The following DPP10 variants were observed in gnomAD, a reference collection of about 807,000 sequenced individuals.
The protein encoded by DPP10 is inactive dipeptidyl peptidase 10.
DPP10 carries 33 observed loss-of-function variants against 120.9 expected under a neutral mutation model. The observed-to-expected ratio is 0.27, with a 90% CI of 0.21 to 0.37. DPP10 has a LOEUF of 0.37. Among genes scored for constraint, DPP10 ranks in the 10% least tolerant of loss-of-function variants. The pLI is 1.00. For missense variants in DPP10, 816 were observed against 942.8 expected (o/e 0.87, Z 1.76); for synonymous variants, 337 against 326.1 (o/e 1.03, Z -0.36).
In DPP10 at chr2:115,434,643, G is replaced by A. The variant is rs72840795; in HGVS notation, c.272-64867G>A. On this transcript the variant is annotated intron_variant, in intron 3 of 25. Coordinates refer to ENST00000410059, the MANE Select transcript of DPP10 (RefSeq NM_020868.6). Reference sequence around the variant, plus strand: ...TTAATGCTCCAATTAGAGTAATTGGGATATTTATCACCTCAAGCTTGTATC... The same window carrying A: ...TTAATGCTCCAATTAGAGTAATTGGAATATTTATCACCTCAAGCTTGTATC... Among the ~76,000 whole-genome samples the A allele has an allele frequency of 9.4e-3, 1,434 of 151,786 alleles. 8 individuals carry two copies. Among genetic ancestry groups the A allele is most frequent in the Middle Eastern group, 0.02 (6 of 294 alleles).
chr2:115,482,464 C>T lies in DPP10; in HGVS notation c.272-17046C>T, dbSNP rs1476800016. 2.0e-5 allele frequency among the ~76,000 whole-genome samples: 3 copies of T among 151,854 alleles called. No homozygotes were observed. The East Asian group carries it at 5.8e-4, about 29-fold the overall frequency. On this transcript the variant is annotated intron_variant, in intron 3 of 25. Transcript: ENST00000410059. ...TAGTATATTCATAGAATTGTCTAAC[C>T]ATCATTGCTGTTCATTTCTGAAATG...
chr2:115,819,962 C>A (rs1687642357), intron 21 of DPP10, among the ~76,000 whole-genome samples: 1 of 152,198 alleles, frequency 6.6e-6, no homozygotes, highest in African/African-American at 2.4e-5. Context: ...CCATTGCACT[C>A]CAGCCTGGGC....
chr2:114,698,404 G>A (rs192475062), intron 1 of DPP10, among the ~76,000 whole-genome samples: 1 of 152,190 alleles, frequency 6.6e-6, no homozygotes, highest in East Asian at 1.9e-4. Flanking sequence ...CCTCATGAGA[G>A]ACCACGAGCC....
At chr2:115,462,457 C>T (rs575318654) in intron 3 of DPP10, among the ~76,000 whole-genome samples, 1 of 152,122 alleles carries the variant, frequency 6.6e-6, no homozygotes, top group African/African-American at 2.4e-5. Flanking sequence ...TTCCCATTTC[C>T]TAAAAGGTTA....
intron 1 of DPP10, among the ~76,000 whole-genome samples, chr2:114,972,031 G>T (rs1699433544): frequency 6.6e-6 from 1 of 152,144 alleles, no homozygotes; most frequent in South Asian, 2.1e-4. Flanking sequence ...TGAATAAGTT[G>T]TTTCTCCACA....
At chr2:114,848,581 C>T (rs1312563528) in intron 1 of DPP10, among the ~76,000 whole-genome samples, 3 of 152,152 alleles carry the variant, frequency 2.0e-5, no homozygotes, top group Non-Finnish European at 2.9e-5. Context: ...GATTCAACGA[C>T]ATTGAATCAC....
chr2:115,268,600 G>A (rs1167479038), intron 1 of DPP10, among the ~76,000 whole-genome samples: 1 of 152,148 alleles, frequency 6.6e-6, no homozygotes, highest in African/African-American at 2.4e-5. Context: ...TCCTAATACT[G>A]TGTTCAGGAA....
intron 1 of DPP10, among the ~76,000 whole-genome samples, chr2:114,519,160 T>A (rs1049136086): frequency 6.6e-6 from 1 of 152,214 alleles, no homozygotes; most frequent in Admixed American, 6.5e-5. Flanking sequence ...TTTCTATACA[T>A]GTGGCAGGTT....
chr2:114,653,027 A>AGAGTGT (rs1553476958), intron 1 of DPP10, among the ~76,000 whole-genome samples: 51 of 135,854 alleles, frequency 3.8e-4, no homozygotes, highest in African/African-American at 1.2e-3. Flanking sequence ...AGAGAGAGAG[A>AGAGTGT]GTGTGTGTGT....
chr2:115,631,841 A>C (rs1450526485), intron 5 of DPP10, among the ~76,000 whole-genome samples: 1 of 152,154 alleles, frequency 6.6e-6, no homozygotes, highest in East Asian at 1.9e-4. Context: ...TTATGGGATC[A>C]ATTTTAGAGT....
chr2:115,120,089 G>A (rs1443830034), intron 1 of DPP10, among the ~76,000 whole-genome samples: 1 of 152,210 alleles, frequency 6.6e-6, no homozygotes, highest in Non-Finnish European at 1.5e-5. Flanking sequence ...GACAATTTTG[G>A]AGGACTATGG....
At chr2:115,477,017 A>G (rs563008631) in intron 3 of DPP10, among the ~76,000 whole-genome samples, 20 of 152,318 alleles carry the variant, frequency 1.3e-4, no homozygotes, top group African/African-American at 4.6e-4. Context: ...AAACTATTTC[A>G]ATATATTCTA....
At chr2:115,535,189 T>C (rs1003434203) in intron 5 of DPP10, among the ~76,000 whole-genome samples, 1 of 152,052 alleles carries the variant, frequency 6.6e-6, no homozygotes, top group Non-Finnish European at 1.5e-5. Context: ...TCCTCGCCCA[T>C]GCCTATGTCC....
chr2:115,291,042 T>C (rs939952308), intron 1 of DPP10, among the ~76,000 whole-genome samples: 36 of 152,190 alleles, frequency 2.4e-4, no homozygotes, highest in Admixed American at 2.0e-4. Flanking sequence ...CTCGCTCTGT[T>C]GCCCAGGCTG....
chr2:114,669,938 A>G (rs1398877544), intron 1 of DPP10, among the ~76,000 whole-genome samples: 1 of 152,158 alleles, frequency 6.6e-6, no homozygotes, highest in East Asian at 1.9e-4. Context: ...ATCACTGGCC[A>G]TCAGAGAAAT....
chr2:115,232,500 CTTCAG>C (rs1276412178), intron 1 of DPP10, among the ~76,000 whole-genome samples: 6 of 152,120 alleles, frequency 3.9e-5, no homozygotes. Flanking sequence ...ATGCTTCAAT[CTTCAG>C]TTTTGATTTC....
chr2:115,646,251 G>A (rs950040827), intron 5 of DPP10, among the ~76,000 whole-genome samples: 8 of 152,094 alleles, frequency 5.3e-5, no homozygotes, highest in African/African-American at 1.7e-4. Flanking sequence ...AGATCAGACT[G>A]TCACATATTG....
intron 3 of DPP10, among the ~76,000 whole-genome samples, chr2:115,462,834 A>T (rs1471273127): frequency 2.0e-5 from 3 of 151,806 alleles, no homozygotes; most frequent in Non-Finnish European, 4.4e-5. Context: ...GGCTCAAGCA[A>T]CCCTCCCACC....
chr2:114,665,010 A>C (rs113417988), intron 1 of DPP10, among the ~76,000 whole-genome samples: 18,284 of 126,706 alleles, frequency 0.14, 1,989 homozygotes, highest in Admixed American at 0.26. Flanking sequence ...CACAGAGCAT[A>C]CAAAAGATGG....
Sources: allele counts gnomAD v4.1 joint callset (sites outside exome capture counted in the v4.1 genomes callset), GRCh38; gene constraint gnomAD v4.1.1; transcripts MANE v1.5; gene names NCBI Gene and HGNC (gene_info 2026-07-23, HGNC 2026-07-21).